STARD13: variants seen among roughly 807,000 people sequenced by gnomAD.
The protein encoded by STARD13 is StAR related lipid transfer domain containing 13.
Under a neutral mutation model 106.4 loss-of-function variants are expected in STARD13, and 62 were observed. That is an observed-to-expected ratio of 0.58 (90% confidence interval 0.48 to 0.72). The LOEUF (loss-of-function observed/expected upper bound fraction) is 0.72, where lower values mean the gene tolerates loss of function less well. STARD13 is among the 30% of genes least tolerant of loss of function. The pLI, the probability that STARD13 is intolerant of heterozygous loss-of-function variation, is 0.00. For synonymous variants in STARD13, 565 were observed against 553.0 expected (o/e 1.02, Z -0.31); for missense variants, 1,387 against 1,424.0 (o/e 0.97, Z 0.42).
the STARD13 span, among the ~76,000 whole-genome samples, chr13:33,674,839 C>T: frequency 2.0e-5 from 3 of 152,062 alleles, no homozygotes; most frequent in Admixed American, 6.6e-5. Flanking sequence ...AAGAAATTGC[C>T]GAGAATGGCT....
the STARD13 span, among the ~76,000 whole-genome samples, chr13:33,387,312 T>A: frequency 2.0e-5 from 3 of 152,142 alleles, no homozygotes; most frequent in Admixed American, 1.3e-4. Context: ...CTGTGCGTAA[T>A]GTTTTCATCT....
the STARD13 span, chr13:33,524,283 A>C: frequency 7.8e-7 from 1 of 1,281,086 alleles, no homozygotes; most frequent in Non-Finnish European, 1.0e-6. Flanking sequence ...TTGGCACACC[A>C]TCAAGATTCT....
At chr13:33,255,892 T>TAA (rs2138304167) in intron 1 of STARD13, among the ~76,000 whole-genome samples, 1 of 152,224 alleles carries the variant, frequency 6.6e-6, no homozygotes, top group East Asian at 1.9e-4. Context: ...AACTGACACA[T>TAA]ATCATGATGG....
intron 1 of STARD13, among the ~76,000 whole-genome samples, chr13:33,243,317 A>G (rs1284664083): frequency 6.6e-6 from 1 of 152,246 alleles, no homozygotes; most frequent in Non-Finnish European, 1.5e-5. Flanking sequence ...AATGGTAGGC[A>G]TCAAAGAGAG....
chr13:33,314,534 G>A (rs1477727047), intron 1 of STARD13, among the ~76,000 whole-genome samples: 2 of 152,274 alleles, frequency 1.3e-5, no homozygotes, highest in Middle Eastern at 3.4e-3. Context: ...TTGCAACTGC[G>A]ATTAAATACC....
chr13:33,299,179 T>C (rs2321159), intron 1 of STARD13, among the ~76,000 whole-genome samples: 99,045 of 152,064 alleles, frequency 0.65, 34,187 homozygotes, highest in Non-Finnish European at 0.77. Flanking sequence ...AGCCTAGGTG[T>C]GTTGTAGGAT....
chr13:33,105,347 A>G lies in STARD13; in HGVS notation c.*246T>C, dbSNP rs757179852. ...CACAAGGAATAGTCCATTTAATTTT[A>G]AGTAATATATATAAAGTTCTCATTT... is the stretch of plus-strand genomic sequence containing the variant. On this transcript the variant is annotated 3_prime_UTR_variant, in exon 14 of 14. Transcript: ENST00000336934. 1 of 450,730 alleles carries G rather than the reference A, an allele frequency of 2.2e-6. No individual in the cohort carries two copies. The allele number at this position is 450,730 out of a possible 1,614,324, so 27.9% of individuals were successfully genotyped here.
At chr13:33,228,956 T>C (rs933234980) in intron 1 of STARD13, among the ~76,000 whole-genome samples, 10 of 152,182 alleles carry the variant, frequency 6.6e-5, no homozygotes, top group East Asian at 3.8e-4. Flanking sequence ...GCAAAACTTA[T>C]GAAACTACTC....
the STARD13 span, among the ~76,000 whole-genome samples, chr13:33,421,991 A>G: frequency 6.6e-6 from 1 of 151,942 alleles, no homozygotes; most frequent in Non-Finnish European, 1.5e-5. Context: ...CCAATATCAT[A>G]CTGAATGGGA....
intron 8 of STARD13, chr13:33,113,577 C>T (rs1411589928): frequency 1.9e-6 from 1 of 516,054 alleles, no homozygotes; most frequent in South Asian, 1.4e-5. Flanking sequence ...ACTTGCTTTG[C>T]AGGATGCCTG....
the STARD13 span, among the ~76,000 whole-genome samples, chr13:33,360,206 A>AT: frequency 8.0e-5 from 12 of 149,448 alleles, no homozygotes; most frequent in East Asian, 4.0e-4. Flanking sequence ...AAGGCAGTCG[A>AT]TTTTTTTTTT....
the STARD13 span, chr13:33,511,312 CA>C: frequency 4.7e-4 from 68 of 143,216 alleles, no homozygotes; most frequent in South Asian, 8.8e-4. Context: ...GACTCCATCT[CA>C]AAAAAAAAAA....
At chr13:33,673,489 C>G in the STARD13 span, among the ~76,000 whole-genome samples, 1 of 151,282 alleles carries the variant, frequency 6.6e-6, no homozygotes, top group African/African-American at 2.5e-5. Flanking sequence ...TTAGATAAGA[C>G]AGAATATATA....
exon 1 of STARD13, chr13:33,350,332 A>T: frequency 6.5e-7 from 1 of 1,534,438 alleles, no homozygotes; most frequent in Non-Finnish European, 8.7e-7. Flanking sequence ...AGCAGATCCC[A>T]GGCTCTGGCC....
At chr13:33,231,763 A>T (rs1254137567) in intron 1 of STARD13, among the ~76,000 whole-genome samples, 1 of 152,064 alleles carries the variant, frequency 6.6e-6, no homozygotes, top group African/African-American at 2.4e-5. Context: ...CATTCCCATA[A>T]CTTTTCCAGA....
the STARD13 span, among the ~76,000 whole-genome samples, chr13:33,568,962 A>G: frequency 6.8e-6 from 1 of 147,984 alleles, no homozygotes; most frequent in Non-Finnish European, 1.5e-5. Context: ...AATAACCATT[A>G]CCCTATTAAA....
At chr13:33,356,450 C>G in the STARD13 span, among the ~76,000 whole-genome samples, 1 of 152,118 alleles carries the variant, frequency 6.6e-6, no homozygotes, top group Non-Finnish European at 1.5e-5. Context: ...TCCCCAGCTC[C>G]CATAGGCAGT....
At chr13:33,224,845 T>C (rs1220231719) in intron 1 of STARD13, among the ~76,000 whole-genome samples, 2 of 152,188 alleles carry the variant, frequency 1.3e-5, no homozygotes, top group Non-Finnish European at 2.9e-5. Context: ...CTTTGTACAT[T>C]TTCCTCTCGT....
At chr13:33,603,025 A>G in the STARD13 span, among the ~76,000 whole-genome samples, 1 of 152,160 alleles carries the variant, frequency 6.6e-6, no homozygotes, top group African/African-American at 2.4e-5. Context: ...TGAAACTTAT[A>G]TTTGTTTTAA....
Sources: gnomAD v4.1 joint callset for allele counts (sites outside exome capture counted in the v4.1 genomes callset) on GRCh38, gnomAD v4.1.1 for gene constraint, MANE v1.5 for transcripts, NCBI Gene and HGNC (gene_info 2026-07-23, HGNC 2026-07-21) for gene names.